PDE7B: variants seen among roughly 807,000 people sequenced by gnomAD.
The protein encoded by PDE7B is 3',5'-cyclic-AMP phosphodiesterase 7B.
In PDE7B, 29 loss-of-function variants were observed where a neutral mutation model predicts 56.2. The ratio of observed to expected loss-of-function variants is 0.52; its 90% CI spans 0.38 to 0.70. The LOEUF is 0.70. Ranked by LOEUF, PDE7B falls within the 30% of genes least tolerant of loss-of-function variation. The probability of loss-of-function intolerance (pLI) is 0.00; values close to 1 mark genes in which losing one functional copy is unlikely to be tolerated. For missense variants in PDE7B, 490 were observed against 565.0 expected, an observed-to-expected ratio of 0.87 and a Z score of 1.35; for synonymous variants, 197 against 196.9, an observed-to-expected ratio of 1.00 and a Z score of 0.00.
rs768965299 is a variant in PDE7B, at chr6:136,179,186, C to T, written c.948+45C>T. The T allele has an allele frequency of 9.5e-6, 15 of 1,584,926 alleles. No homozygotes were observed. The African/African-American group carries it at 1.3e-4, about 14-fold the overall frequency. On this transcript the variant is annotated intron_variant, in intron 10 of 12. Coordinates refer to ENST00000308191, the MANE Select transcript of PDE7B (RefSeq NM_018945.4). ...CCATTCTTTTTGCTGAGTGAAAACA[C>T]TCAGCTGGGCTGGGTGTGGTGGCTC...
intron 5 of PDE7B, 67 bp from the exon 6 acceptor site, chr6:136,151,093 T>C (rs1031456363): frequency 1.8e-5 from 15 of 824,488 alleles, no homozygotes; most frequent in Non-Finnish European, 3.1e-5. Flanking sequence ...ACTTTAGGTC[T>C]TATTGTCAAT....
chr6:136,047,147 T>C (rs1776524599), intron 2 of PDE7B, among the ~76,000 whole-genome samples: 1 of 152,222 alleles, frequency 6.6e-6, no homozygotes, highest in African/African-American at 2.4e-5. Context: ...CCCATGTAAC[T>C]AGAAGCATCA....
At chr6:136,129,676 AGG>A (rs1778083440) in intron 3 of PDE7B, among the ~76,000 whole-genome samples, 1 of 152,220 alleles carries the variant, frequency 6.6e-6, no homozygotes, top group Admixed American at 6.5e-5. Flanking sequence ...TGTTTGGAGA[AGG>A]GGAAGGAAAG....
At chr6:135,881,165 T>A (rs922039769) in intron 1 of PDE7B, among the ~76,000 whole-genome samples, 4 of 152,006 alleles carry the variant, frequency 2.6e-5, no homozygotes, top group African/African-American at 9.7e-5. Flanking sequence ...AGCATATCTT[T>A]GAGACTCAGA....
intron 2 of PDE7B, among the ~76,000 whole-genome samples, chr6:135,968,519 A>G (rs1387689707): frequency 6.6e-6 from 1 of 152,244 alleles, no homozygotes; most frequent in Non-Finnish European, 1.5e-5. Context: ...GAAGATATTT[A>G]TGCAGCCAAC....
chr6:135,895,620 C>T (rs550115960), intron 1 of PDE7B, among the ~76,000 whole-genome samples: 2 of 152,250 alleles, frequency 1.3e-5, no homozygotes, highest in Admixed American at 1.3e-4. Context: ...CAGGCAAAAA[C>T]ATTTCAGAAA....
intron 2 of PDE7B, among the ~76,000 whole-genome samples, chr6:136,063,579 G>A (rs1443773809): frequency 6.6e-6 from 1 of 152,072 alleles, no homozygotes; most frequent in African/African-American, 2.4e-5. Flanking sequence ...TCTTTCCAAG[G>A]CACAGCTCTG....
intron 10 of PDE7B, among the ~76,000 whole-genome samples, chr6:136,180,500 G>C (rs3778289): frequency 0.13 from 19,554 of 152,162 alleles, 3,039 homozygotes; most frequent in African/African-American, 0.36. Context: ...TGATCCAAGG[G>C]TCTTCCAGAC....
Position 136,105,114 on chromosome 6 carries a change from A to G in PDE7B, c.83-3617A>G, listed in dbSNP as rs147013055. On this transcript the variant is annotated intron_variant, in intron 2 of 12. Transcript: ENST00000308191. ...AATTGCTTTCTTACTTAAAAGTAAT[A>G]GATTCCTTGTTGATCCAGGACAGGA... 4.3e-4 allele frequency among the ~76,000 whole-genome samples: 65 copies of G among 152,364 alleles called. No homozygotes were observed. In the East Asian group the frequency reaches 0.011, roughly 27 times the overall value.
In PDE7B at chr6:136,191,803, G is replaced by A. The variant is rs774033796; in HGVS notation, c.1316G>A (p.Gly439Glu). ...CCTGACCACGACCACGCAGGCCAAG[G>A]GACTGAGAGCGAGGAGCAGGAAGGC... ...SGPDHDHAGQ[G>E]TESEEQEGDS... The change falls in exon 13 of 13, where the codon GGG becomes GAG. Residue 439 changes from glycine to glutamate, a missense_variant. Coordinates refer to ENST00000308191, the MANE Select transcript of PDE7B (RefSeq NM_018945.4). 1 of 1,560,534 alleles carries A rather than the reference G, an allele frequency of 6.4e-7. No homozygotes were observed. Among genetic ancestry groups the A allele is most frequent in the Non-Finnish European group, 8.7e-7 (1 of 1,152,916 alleles).
At chr6:136,053,846 A>G (rs4629701) in intron 2 of PDE7B, among the ~76,000 whole-genome samples, 78,503 of 151,166 alleles carry the variant, frequency 0.52, 21,238 homozygotes, top group African/African-American at 0.69. Context: ...TTTTGGCTGC[A>G]CAAATGTCTT....
intron 2 of PDE7B, among the ~76,000 whole-genome samples, chr6:136,019,738 G>C (rs1776037726): frequency 6.6e-6 from 1 of 152,156 alleles, no homozygotes; most frequent in Non-Finnish European, 1.5e-5. Flanking sequence ...TATTTTGTGT[G>C]TTTTATGTAT....
chr6:136,162,953 A>G (rs1455738218), intron 8 of PDE7B, among the ~76,000 whole-genome samples: 2 of 152,172 alleles, frequency 1.3e-5, no homozygotes, highest in African/African-American at 4.8e-5. Flanking sequence ...GTGGCCTTGC[A>G]GGGTACAACC....
chr6:136,037,777 A>C (rs1275686031), intron 2 of PDE7B: 98 of 985,372 alleles, frequency 9.9e-5, no homozygotes, highest in Non-Finnish European at 1.1e-4. Context: ...TTAAGAGCTA[A>C]GCCGACAAAG....
chr6:135,862,216 T>C (rs1368047259), intron 1 of PDE7B, among the ~76,000 whole-genome samples: 1 of 151,852 alleles, frequency 6.6e-6, no homozygotes, highest in Non-Finnish European at 1.5e-5. Context: ...GTTTGATATT[T>C]TCTATAACAT....
chr6:135,913,224 T>A (rs1048474066), intron 1 of PDE7B, among the ~76,000 whole-genome samples: 1 of 152,132 alleles, frequency 6.6e-6, no homozygotes, highest in African/African-American at 2.4e-5. Context: ...ATAAAAAAAT[T>A]AAGTCTCCCA....
At chr6:135,865,676 CAG>C (rs1775244655) in intron 1 of PDE7B, among the ~76,000 whole-genome samples, 1 of 140,070 alleles carries the variant, frequency 7.1e-6, no homozygotes, top group Admixed American at 7.0e-5. Flanking sequence ...GAGAGAGAGA[CAG>C]AGACAGAGAA....
chr6:136,148,470 A>AGGCAGGCAGGCAGGCAAGCAGGC (rs374978896), intron 4 of PDE7B, among the ~76,000 whole-genome samples: 1 of 130,138 alleles, frequency 7.7e-6, no homozygotes, highest in Non-Finnish European at 1.6e-5. Flanking sequence ...GGAAGGAAGG[A>AGGCAGGCAGGCAGGCAAGCAGGC]AGGCAGGCAG....
At chr6:136,001,566 G>T (rs1308346497) in intron 2 of PDE7B, among the ~76,000 whole-genome samples, 2 of 152,154 alleles carry the variant, frequency 1.3e-5, no homozygotes, top group Admixed American at 1.3e-4. Context: ...GAAGCCTCAG[G>T]AGCCGATGCG....
Sources: allele counts gnomAD v4.1 joint callset (sites outside exome capture counted in the v4.1 genomes callset), GRCh38; gene constraint gnomAD v4.1.1; transcripts MANE v1.5; gene names NCBI Gene and HGNC (gene_info 2026-07-23, HGNC 2026-07-21).